PCNT: variants seen among roughly 807,000 people sequenced by gnomAD.
PCNT encodes the protein pericentrin.
A neutral mutation model predicts 380.4 loss-of-function variants in PCNT; 319 were observed. The ratio of observed to expected loss-of-function variants is 0.84; its 90% CI spans 0.77 to 0.92. The LOEUF (loss-of-function observed/expected upper bound fraction) is 0.92, where lower values mean the gene tolerates loss of function less well. Among genes scored for constraint, PCNT ranks in the 40% least tolerant of loss-of-function variants. The probability of loss-of-function intolerance (pLI) is 0.00; values close to 1 mark genes in which losing one functional copy is unlikely to be tolerated. For synonymous variants in PCNT, 1,845 were observed against 1,735.2 expected, an observed-to-expected ratio of 1.06 and a Z score of -1.57; for missense variants, 4,400 against 4,255.3, an observed-to-expected ratio of 1.03 and a Z score of -0.95.
intron 29 of PCNT, among the ~76,000 whole-genome samples, chr21:46,414,212 GAACTCTT>G (rs2086917093): frequency 6.6e-6 from 1 of 152,022 alleles, no homozygotes; most frequent in East Asian, 1.9e-4. Context: ...GGCTGGTCTT[GAACTCTT>G]GACCTTAGGT....
At chr21:46,383,156 G>T (rs2085648962) in intron 16 of PCNT, among the ~76,000 whole-genome samples, 1 of 148,242 alleles carries the variant, frequency 6.7e-6, no homozygotes, top group Admixed American at 6.8e-5. Context: ...GCATTCAGTG[G>T]CGGAAGCGCA....
At chr21:46,423,949 A>G (rs765920814) in intron 32 of PCNT, among the ~76,000 whole-genome samples, 1 of 152,124 alleles carries the variant, frequency 6.6e-6, no homozygotes, top group Non-Finnish European at 1.5e-5. Flanking sequence ...TGGATGTCTC[A>G]GACTGTTTCA....
At chr21:46,370,503 C>A (rs900253032) in intron 15 of PCNT, among the ~76,000 whole-genome samples, 1 of 151,752 alleles carries the variant, frequency 6.6e-6, no homozygotes, top group African/African-American at 2.4e-5. Context: ...CATGGAGAGC[C>A]TGGGGGCTGA....
chr21:46,326,616 A>G (rs538854220), intron 2 of PCNT, 27 bp downstream of exon 2: 2 of 1,595,076 alleles, frequency 1.3e-6, no homozygotes, highest in Admixed American at 1.7e-5. Flanking sequence ...TTGTATTTGA[A>G]CATTTCGCTT....
Position 46,430,615 on chromosome 21 carries a change from G to A in PCNT, c.8022G>A (p.Leu2674=). Residue 2674 remains leucine (L), a synonymous_variant, in exon 37 of 47, where the codon CTG becomes CTA. Transcript: ENST00000359568. The part of the protein sequence containing the change: ...ALQSQLEEEQ[L]RHLQRESQSA... ...AGAGCCAGCTGGAGGAGGAGCAGCT[G>A]CGGCACCTGCAGAGGGAGAGCCAGA... The A allele has an allele frequency of 6.4e-7, 1 of 1,569,780 alleles. No homozygotes were observed. The highest frequency in any genetic ancestry group is 8.6e-7 in the Non-Finnish European group (1 of 1,158,044).
At chr21:46,389,460 G>A in intron 19 of PCNT, 29 bp downstream of exon 19, 1 of 1,579,232 alleles carries the variant, frequency 6.3e-7, no homozygotes, top group Non-Finnish European at 8.7e-7. Flanking sequence ...GGGTCCTGTG[G>A]AGATGTGAAC....
At chr21:46,343,091 T>C (rs1431868723) in intron 3 of PCNT, among the ~76,000 whole-genome samples, 6 of 152,192 alleles carry the variant, frequency 3.9e-5, no homozygotes, top group African/African-American at 1.4e-4. Flanking sequence ...GTTTTGTAGG[T>C]AAACGATCCT....
intron 2 of PCNT, among the ~76,000 whole-genome samples, chr21:46,328,665 T>C (rs2083464080): frequency 6.6e-6 from 1 of 152,068 alleles, no homozygotes; most frequent in African/African-American, 2.4e-5. Flanking sequence ...TTCACCATGT[T>C]GGTCAGGCTG....
chr21:46,379,775 C>T (rs2085451424), intron 15 of PCNT, among the ~76,000 whole-genome samples: 1 of 152,174 alleles, frequency 6.6e-6, no homozygotes, highest in African/African-American at 2.4e-5. Context: ...CTCCAGATGT[C>T]AAGGGAGCTC....
intron 2 of PCNT, among the ~76,000 whole-genome samples, chr21:46,328,259 T>C (rs1332735543): frequency 2.2e-5 from 1 of 45,548 alleles, no homozygotes; most frequent in East Asian, 2.6e-4. Context: ...GGTGTGTTTT[T>C]TTTTTTTTTC....
Position 46,416,829 on chromosome 21 carries a change from G to A in PCNT, c.6911G>A (p.Arg2304Lys). The A allele has an allele frequency of 6.3e-7, 1 of 1,597,878 alleles. No homozygotes were observed. Among genetic ancestry groups the A allele is most frequent in the Non-Finnish European group, 8.5e-7 (1 of 1,179,712 alleles). Residue 2304 changes from arginine to lysine, a missense_variant, in exon 30 of 47, where the codon AGG becomes AAG. Coordinates refer to ENST00000359568, the MANE Select transcript of PCNT (RefSeq NM_006031.6). ...CCGGCTGACGACCACCATGTGCAGA[G>A]GACGGCTGTGGTAGGTGCCTGCTCT... is the stretch of plus-strand genomic sequence containing the variant. ...SPPADDHHVQ[R>K]TAVEKDVEDF...
chr21:46,360,680 A>G (rs974767828), intron 13 of PCNT, among the ~76,000 whole-genome samples: 8 of 150,994 alleles, frequency 5.3e-5, no homozygotes, highest in African/African-American at 9.8e-5. Flanking sequence ...CACCACACCC[A>G]GCTAATTTTT....
intron 24 of PCNT, among the ~76,000 whole-genome samples, chr21:46,398,636 A>G (rs1407025793): frequency 2.6e-5 from 4 of 151,842 alleles, no homozygotes; most frequent in Non-Finnish European, 5.9e-5. Context: ...TCGGGCAACC[A>G]CTCATCTGTC....
chr21:46,360,153 G>A (rs1414514326), intron 13 of PCNT, among the ~76,000 whole-genome samples: 1 of 150,536 alleles, frequency 6.6e-6, no homozygotes, highest in East Asian at 2.0e-4. Flanking sequence ...CACTGCACCT[G>A]GCCTACTTTT....
At position 46,407,422 on chromosome 21, in the gene PCNT, A is replaced by G. The variant is rs544895125; in HGVS notation, c.5116-3767A>G. On this transcript the variant is annotated intron_variant, in intron 27 of 46. Transcript: ENST00000359568. ...AATGGCGCGATCTCGGCTCCCTGCA[A>G]CCTCCGCCTCCCGGGTTCAAGTGAG... 1.3e-4 allele frequency among the ~76,000 whole-genome samples: 18 copies of G among 138,026 alleles called. No individual in the cohort carries two copies. The South Asian group carries it at 2.8e-3, about 21-fold the overall frequency. 90.6% of individuals were successfully genotyped at this position (138,026 alleles called of 152,430 possible).
chr21:46,413,992 C>T (rs1439991070), intron 29 of PCNT, among the ~76,000 whole-genome samples: 2 of 115,888 alleles, frequency 1.7e-5, no homozygotes, highest in African/African-American at 7.9e-5. Context: ...TTTTTTTTCT[C>T]TCTTTTTTTT....
rs772330014 is a variant in PCNT, at chr21:46,366,564, T to C, written c.2610-20T>C. On this transcript the variant is annotated intron_variant, in intron 14 of 46. Transcript: ENST00000359568. ...TCCTGATGCATGTTTAACTGTCCTG[T>C]GTTCACTTTGTTGCCGCAGGTTTTT... The C allele has an allele frequency of 1.9e-6, 3 of 1,606,862 alleles. No individual in the cohort carries two copies. The East Asian group carries it at 6.7e-5, about 36-fold the overall frequency.
chr21:46,338,887 T>TGC (rs2083835043), intron 3 of PCNT, among the ~76,000 whole-genome samples: 1 of 152,154 alleles, frequency 6.6e-6, no homozygotes. Context: ...CTCAAGGGGT[T>TGC]CTCCCGCCTC....
Position 46,353,388 on chromosome 21 carries a change from A to G in PCNT, c.1679+62A>G, listed in dbSNP as rs972671773. Reference sequence around the variant, plus strand: ...CATACAGGGGCCAGGCTCTGAGTTCAGGGGTAGTTTTGTTGGTGATTTCAT... The same window carrying G: ...CATACAGGGGCCAGGCTCTGAGTTCGGGGGTAGTTTTGTTGGTGATTTCAT... On this transcript the variant is annotated intron_variant, in intron 10 of 46. Coordinates refer to ENST00000359568, the MANE Select transcript of PCNT (RefSeq NM_006031.6). 1.4e-5 allele frequency: 20 copies of G among 1,386,978 alleles called. No homozygotes were observed. In the Admixed American group the frequency reaches 1.8e-4, roughly 13 times the overall value. The allele number at this position is 1,386,978 out of a possible 1,614,324, so 85.9% of individuals were successfully genotyped here.
Sources: gnomAD v4.1 joint callset for allele counts (sites outside exome capture counted in the v4.1 genomes callset) on GRCh38, gnomAD v4.1.1 for gene constraint, MANE v1.5 for transcripts, NCBI Gene and HGNC (gene_info 2026-07-23, HGNC 2026-07-21) for gene names.